The following SUPT16H variants were observed in gnomAD, a reference collection of about 807,000 sequenced individuals.
SUPT16H encodes SPT16 homolog, facilitates chromatin remodeling subunit.
SUPT16H carries 24 observed loss-of-function variants against 136.2 expected under a neutral mutation model. That is an observed-to-expected ratio of 0.18 (90% CI 0.13 to 0.25). The LOEUF is 0.25. SUPT16H is among the 10% of genes least tolerant of loss of function. The pLI, the probability that SUPT16H is intolerant of heterozygous loss-of-function variation, is 1.00. For missense variants in SUPT16H, 623 were observed against 1,270.2 expected, an observed-to-expected ratio of 0.49 and a Z score of 7.74; for synonymous variants, 415 against 428.2, an observed-to-expected ratio of 0.97 and a Z score of 0.38.
In SUPT16H at chr14:21,366,382, C is replaced by T. The variant is rs1886666895; in HGVS notation, c.1046+57G>A. On this transcript the variant is annotated intron_variant, in intron 8 of 25. Coordinates refer to ENST00000216297, the MANE Select transcript of SUPT16H (RefSeq NM_007192.4). ...AATTAGCCTAAAGAAATAAGACTGACCACTGACAGTCTAACTGAAAACTGA... is the reference window on the plus strand; with the variant it reads ...AATTAGCCTAAAGAAATAAGACTGATCACTGACAGTCTAACTGAAAACTGA... 4 of 1,510,024 alleles carry T rather than the reference C, an allele frequency of 2.6e-6. No individual in the cohort carries two copies. The African/African-American group carries it at 5.5e-5, about 21-fold the overall frequency. The allele number at this position is 1,510,024 out of a possible 1,614,324, so 93.5% of individuals were successfully genotyped here. A position where few individuals can be genotyped will look rare whatever the true frequency, so the allele number is the denominator to read the frequency against.
intron 10 of SUPT16H, among the ~76,000 whole-genome samples, chr14:21,363,765 G>A (rs528689841): frequency 2.6e-5 from 4 of 152,004 alleles, no homozygotes; most frequent in East Asian, 1.9e-4. Context: ...TGCAACCTCC[G>A]CCTCCCGGAT....
intron 17 of SUPT16H, 97 bp from the exon 18 acceptor site, chr14:21,360,630 C>T: frequency 8.1e-7 from 1 of 1,241,584 alleles, no homozygotes; most frequent in Non-Finnish European, 1.2e-6. Flanking sequence ...TCAGAGGAAA[C>T]ACCAACAGCT....
chr14:21,358,050 C>A (rs758487046), intron 20 of SUPT16H, 48 bp from the exon 21 acceptor site: 1 of 1,531,960 alleles, frequency 6.5e-7, no homozygotes, highest in Admixed American at 1.7e-5. Flanking sequence ...AGAGAGACTG[C>A]TCCTACCACA....
chr14:21,363,750 C>T (rs1348944480), intron 10 of SUPT16H, among the ~76,000 whole-genome samples: 1 of 152,146 alleles, frequency 6.6e-6, no homozygotes, highest in Non-Finnish European at 1.5e-5. Flanking sequence ...GTGACCTCAG[C>T]TCACTGCAAC....
At chr14:21,354,959 A>C (rs1307453725) in intron 22 of SUPT16H, 1 of 158,894 alleles carries the variant, frequency 6.3e-6, no homozygotes, top group East Asian at 1.8e-4. Context: ...GATCTCCTAG[A>C]GCACTAGCCC....
chr14:21,357,184 C>A lies in SUPT16H; in HGVS notation c.2660+13G>T. The A allele has an allele frequency of 6.4e-7, 1 of 1,553,252 alleles. No homozygotes were observed. The highest frequency in any genetic ancestry group is 2.3e-5 in the East Asian group (1 of 43,010). On this transcript the variant is annotated intron_variant, in intron 22 of 25. Coordinates refer to ENST00000216297, the MANE Select transcript of SUPT16H (RefSeq NM_007192.4). ...CATGGGCTAAATGGGAGACTGATGG[C>A]AGATTTACTTACTTCAACCATTCCT... is the stretch of plus-strand genomic sequence containing the variant.
chr14:21,356,750 C>G (rs1412831289), intron 22 of SUPT16H, among the ~76,000 whole-genome samples: 1 of 152,060 alleles, frequency 6.6e-6, no homozygotes, highest in Non-Finnish European at 1.5e-5. Context: ...AAACAACCAC[C>G]ACCACCACCA....
chr14:21,365,582 C>T lies in SUPT16H; in HGVS notation c.1047-439G>A, dbSNP rs56273618. On this transcript the variant is annotated intron_variant, in intron 8 of 25. Transcript: ENST00000216297. ...AGGTATATATTTCCATGAGAGAAGT[C>T]TAGAAACTATATACCATAGACTAGT... Among the ~76,000 whole-genome samples the T allele has an allele frequency of 8.8e-3, 1,336 of 152,190 alleles. 17 individuals carry two copies. The highest frequency in any genetic ancestry group is 0.014 in the Middle Eastern group (4 of 294).
At chr14:21,356,839 C>T (rs1886445035) in intron 22 of SUPT16H, among the ~76,000 whole-genome samples, 1 of 152,168 alleles carries the variant, frequency 6.6e-6, no homozygotes, top group South Asian at 2.1e-4. Context: ...TAAATATGCT[C>T]TACATTGACT....
At position 21,375,799 on chromosome 14, in the gene SUPT16H, G is replaced by A. The variant is rs140368268; in HGVS notation, c.67-2369C>T. Among the ~76,000 whole-genome samples, 661 of 152,160 alleles carry A rather than the reference G, an allele frequency of 4.3e-3. 11 individuals carry two copies. The highest frequency in any genetic ancestry group is 0.034 in the East Asian group (176 of 5,156). Reference sequence around the variant, plus strand: ...GCAGAGACTAGGTTTTGCCATGTTGGCCAGGCTGGTCTTGAACTCCTGACC... The same window carrying A: ...GCAGAGACTAGGTTTTGCCATGTTGACCAGGCTGGTCTTGAACTCCTGACC... On this transcript the variant is annotated intron_variant, in intron 1 of 25. Coordinates refer to ENST00000216297, the MANE Select transcript of SUPT16H (RefSeq NM_007192.4).
intron 22 of SUPT16H, chr14:21,354,881 C>T (rs1428318694): frequency 5.8e-5 from 11 of 191,120 alleles, no homozygotes; most frequent in Admixed American, 1.1e-4. Flanking sequence ...TGTGAGCCAC[C>T]GCGCCCTGCC....
At chr14:21,366,621 G>A in intron 7 of SUPT16H, 92 bp from the exon 8 acceptor site, 1 of 1,193,918 alleles carries the variant, frequency 8.4e-7, no homozygotes, top group Non-Finnish European at 1.2e-6. Flanking sequence ...CCCTAAAGCA[G>A]TGTTTCTCAA....
chr14:21,369,512 G>T, intron 5 of SUPT16H, 157 bp from the exon 6 acceptor site: 2 of 1,042,226 alleles, frequency 1.9e-6, no homozygotes, highest in Non-Finnish European at 1.4e-6. Context: ...AAACACATTT[G>T]GAGAACAATA....
At chr14:21,375,306 C>T (rs1306932560) in intron 1 of SUPT16H, among the ~76,000 whole-genome samples, 3 of 152,132 alleles carry the variant, frequency 2.0e-5, no homozygotes, top group East Asian at 3.9e-4. Flanking sequence ...TGAGCCACCA[C>T]GCCCGGCCCT....
chr14:21,359,967 T>C (rs893021065), intron 18 of SUPT16H, among the ~76,000 whole-genome samples: 1 of 152,228 alleles, frequency 6.6e-6, no homozygotes, highest in African/African-American at 2.4e-5. Flanking sequence ...CCAGGCCTTG[T>C]GGCCTTTAGA....
At chr14:21,365,035 C>T (rs1461648448) in intron 9 of SUPT16H, 35 bp downstream of exon 9, 8 of 1,609,092 alleles carry the variant, frequency 5.0e-6, no homozygotes, top group Non-Finnish European at 6.8e-6. Context: ...GGAAGTAACT[C>T]ACAAAAGCAT....
chr14:21,353,688 C>T lies in SUPT16H; in HGVS notation c.2920+15G>A. The T allele has an allele frequency of 6.2e-7, 1 of 1,608,154 alleles. No individual in the cohort carries two copies. Among genetic ancestry groups the T allele is most frequent in the Non-Finnish European group, 8.5e-7 (1 of 1,177,818 alleles). ...GATTAGGAAGCCAGGACGAACTTTG[C>T]TCTGTAAGACTAACCTGACTCTTCT... On this transcript the variant is annotated intron_variant, in intron 24 of 25. Transcript: ENST00000216297.
chr14:21,366,310 G>C, intron 8 of SUPT16H, 129 bp downstream of exon 8: 1 of 821,860 alleles, frequency 1.2e-6, no homozygotes, highest in South Asian at 1.7e-5. Flanking sequence ...TCATGTGCCT[G>C]GCACATAGTA....
rs1340801064 is a variant in SUPT16H, at chr14:21,352,128, C to G, written c.*545G>C. 6.4e-6 allele frequency: 1 copy of G among 156,622 alleles called. No homozygotes were observed. The highest frequency in any genetic ancestry group is 2.4e-5 in the African/African-American group (1 of 41,456). 9.7% of individuals were successfully genotyped at this position (156,622 alleles called of 1,614,324 possible). A position where few individuals can be genotyped will look rare whatever the true frequency, so the allele number is the denominator to read the frequency against. On this transcript the variant is annotated 3_prime_UTR_variant, in exon 26 of 26. Coordinates refer to ENST00000216297, the MANE Select transcript of SUPT16H (RefSeq NM_007192.4). ...GAAAGCAGGAAAACTCAGACGAAGG[C>G]ACCAGCCCAATCTGCCTCACTGGCT...
Sources: gnomAD v4.1 joint callset for allele counts (sites outside exome capture counted in the v4.1 genomes callset) on GRCh38, gnomAD v4.1.1 for gene constraint, MANE v1.5 for transcripts, NCBI Gene and HGNC (gene_info 2026-07-23, HGNC 2026-07-21) for gene names.